Variants in PCDHA7 observed in about 807,000 individuals in gnomAD.
PCDHA7 encodes the protein protocadherin alpha-7.
A neutral mutation model predicts 57.2 loss-of-function variants in PCDHA7; 37 were observed. The ratio of observed to expected loss-of-function variants is 0.65; its 90% CI spans 0.50 to 0.85. PCDHA7 has a LOEUF of 0.85. Among genes scored for constraint, PCDHA7 ranks in the 40% least tolerant of loss-of-function variants. The pLI, the probability that PCDHA7 is intolerant of heterozygous loss-of-function variation, is 0.00. For missense variants in PCDHA7, 1,188 were observed against 1,241.8 expected, an observed-to-expected ratio of 0.96 and a Z score of 0.65; for synonymous variants, 553 against 558.8, an observed-to-expected ratio of 0.99 and a Z score of 0.15.
Position 140,853,619 on chromosome 5 carries a change from G to C in PCDHA7, c.2355+16881G>C. 2.0e-6 allele frequency: 2 copies of C among 988,316 alleles called. 1 individual carries two copies. The allele number at this position is 988,316 out of a possible 1,614,324, so 61.2% of individuals were successfully genotyped here. A position where few individuals can be genotyped will look rare whatever the true frequency, so the allele number is the denominator to read the frequency against. ...AGAGCAAAGGGGGTGCTGTAAATAA[G>C]TATACAAGATCACAGACCTAAATTG... On this transcript the variant is annotated intron_variant, in intron 1 of 3. Transcript: ENST00000525929.
At position 140,859,297 on chromosome 5, in the gene PCDHA7, G is replaced by A. The variant is rs918204885; in HGVS notation, c.2355+22559G>A. 281 of 128,994 alleles carry A rather than the reference G, an allele frequency of 2.2e-3. 12 individuals are homozygous for A. The highest frequency in any genetic ancestry group is 7.5e-3 in the African/African-American group (274 of 36,598). The allele number at this position is 128,994 out of a possible 1,614,324, so 8.0% of individuals were successfully genotyped here. A position where few individuals can be genotyped will look rare whatever the true frequency, so the allele number is the denominator to read the frequency against. On this transcript the variant is annotated intron_variant, in intron 1 of 3. Coordinates refer to ENST00000525929, the MANE Select transcript of PCDHA7 (RefSeq NM_018910.3). Reference sequence around the variant, plus strand: ...TACTTTTGAGACTGAAAATACTTTAGTATGAATTAATATTAAAAGTTTGAG... The same window carrying A: ...TACTTTTGAGACTGAAAATACTTTAATATGAATTAATATTAAAAGTTTGAG...
chr5:140,864,592 C>G (rs1005645849), intron 1 of PCDHA7: 6 of 152,206 alleles, frequency 3.9e-5, no homozygotes, highest in South Asian at 4.1e-4. Flanking sequence ...TCAACTACTT[C>G]AGATAGCCAA....
intron 3 of PCDHA7, among the ~76,000 whole-genome samples, chr5:140,999,091 T>A (rs1342614556): frequency 2.0e-5 from 3 of 152,208 alleles, no homozygotes; most frequent in African/African-American, 7.2e-5. Flanking sequence ...TTCAGAGGGC[T>A]ATGGAGAGTA....
intron 1 of PCDHA7, among the ~76,000 whole-genome samples, chr5:140,840,806 T>C (rs2150309377): frequency 1.9e-4 from 29 of 152,226 alleles, no homozygotes; most frequent in Non-Finnish European, 3.5e-4. Flanking sequence ...GAGTAATATA[T>C]ACCAGTGTTT....
At chr5:140,986,828 G>C (rs1001117075) in intron 3 of PCDHA7, among the ~76,000 whole-genome samples, 2 of 152,146 alleles carry the variant, frequency 1.3e-5, no homozygotes, top group African/African-American at 2.4e-5. Flanking sequence ...TTTAGACAAT[G>C]GTTCTCAAAG....
At chr5:140,862,596 G>A (rs543851067) in intron 1 of PCDHA7, 2 of 510,824 alleles carry the variant, frequency 3.9e-6, no homozygotes, top group East Asian at 1.0e-4. Flanking sequence ...CCGAGTACAT[G>A]GTGTTCGTGA....
chr5:140,955,647 T>G (rs1395732517), intron 1 of PCDHA7, among the ~76,000 whole-genome samples: 1 of 152,116 alleles, frequency 6.6e-6, no homozygotes, highest in Non-Finnish European at 1.5e-5. Context: ...AACAAATTAA[T>G]ACACATATGA....
At chr5:140,861,018 C>A (rs1263823889) in intron 1 of PCDHA7, 4 of 152,248 alleles carry the variant, frequency 2.6e-5, no homozygotes, top group Non-Finnish European at 4.4e-5. Flanking sequence ...CGAGTGCCAC[C>A]GCACCCGGCC....
At chr5:140,870,654 C>A in intron 1 of PCDHA7, 2 of 1,612,562 alleles carry the variant, frequency 1.2e-6, no homozygotes, top group Non-Finnish European at 1.7e-6. Flanking sequence ...GCAAGGTGTA[C>A]GCGCTGCAGC....
In PCDHA7 at chr5:140,883,118, C is replaced by G. The variant is rs370331206; in HGVS notation, c.2355+46380C>G. ...AGATATAGTTTACTCATTTAGAAGG[C>G]CTGTATGGCCTGCAGTGGTATATGC... On this transcript the variant is annotated intron_variant, in intron 1 of 3. Coordinates refer to ENST00000525929, the MANE Select transcript of PCDHA7 (RefSeq NM_018910.3). The G allele has an allele frequency of 8.7e-6, 14 of 1,613,882 alleles. No individual in the cohort carries two copies. Among genetic ancestry groups the G allele is most frequent in the Non-Finnish European group, 1.2e-5 (14 of 1,180,016 alleles).
At chr5:140,979,102 C>G in intron 2 of PCDHA7, 95 bp downstream of exon 2, 1 of 1,541,802 alleles carries the variant, frequency 6.5e-7, no homozygotes. Context: ...GCTGTCAAAA[C>G]TAAAAAGCTT....
chr5:140,937,322 C>T (rs2091472402), intron 1 of PCDHA7, among the ~76,000 whole-genome samples: 1 of 152,084 alleles, frequency 6.6e-6, no homozygotes, highest in Non-Finnish European at 1.5e-5. Context: ...CAGGCGTGAG[C>T]CACCGCGCCC....
intron 1 of PCDHA7, chr5:140,851,160 A>G: frequency 7.7e-7 from 1 of 1,297,140 alleles, no homozygotes; most frequent in Non-Finnish European, 9.9e-7. Context: ...TTCTGATGCT[A>G]TGCTGCCATA....
chr5:140,868,098 A>C (rs972281563), intron 1 of PCDHA7: 1 of 152,120 alleles, frequency 6.6e-6, no homozygotes, highest in African/African-American at 2.4e-5. Context: ...AATGATAATA[A>C]AATTTATTTT....
rs781807025 is a variant in PCDHA7, at chr5:140,872,165, CTT to C, written c.2355+35438_2355+35439del. Among the ~76,000 whole-genome samples the C allele has an allele frequency of 5.6e-3, 809 of 144,322 alleles. 4 individuals are homozygous for C. Among genetic ancestry groups the C allele is most frequent in the Middle Eastern group, 0.014 (4 of 276 alleles). 94.7% of individuals were successfully genotyped at this position (144,322 alleles called of 152,430 possible). On this transcript the variant is annotated intron_variant, in intron 1 of 3. Transcript: ENST00000525929. The stretch of plus-strand genomic sequence containing the variant: ...CATTAGTATGACATGATTTACTTTT[CTT>C]TTTTTTTTTTACAGTGTTAAACGTT...
chr5:140,918,334 A>G (rs1419491986), intron 1 of PCDHA7, among the ~76,000 whole-genome samples: 1 of 152,144 alleles, frequency 6.6e-6, no homozygotes, highest in Non-Finnish European at 1.5e-5. Context: ...ATTGTCTGCT[A>G]AGAGAGATAG....
chr5:140,870,478 T>C (rs782114058), intron 1 of PCDHA7: 1 of 1,614,112 alleles, frequency 6.2e-7, no homozygotes, highest in Admixed American at 1.7e-5. Flanking sequence ...ACAGCCCGAG[T>C]ACACCGTGTT....
At chr5:140,999,845 T>G (rs1293721817) in intron 3 of PCDHA7, among the ~76,000 whole-genome samples, 1 of 152,188 alleles carries the variant, frequency 6.6e-6, no homozygotes, top group Non-Finnish European at 1.5e-5. Flanking sequence ...CAAGTGTATT[T>G]ATCTCTTCCG....
intron 1 of PCDHA7, chr5:140,883,972 C>G (rs781784485): frequency 3.1e-6 from 5 of 1,612,854 alleles, no homozygotes; most frequent in Non-Finnish European, 4.2e-6. Context: ...TGCTGACGCC[C>G]GGGGCTGGCA....
Sources: gnomAD v4.1 joint callset for allele counts (sites outside exome capture counted in the v4.1 genomes callset) on GRCh38, gnomAD v4.1.1 for gene constraint, MANE v1.5 for transcripts, NCBI Gene and HGNC (gene_info 2026-07-23, HGNC 2026-07-21) for gene names.